Variants in HERC5 observed in about 807,000 individuals in gnomAD.
The protein encoded by HERC5 is E3 ISG15--protein ligase HERC5.
A neutral mutation model predicts 119.6 loss-of-function variants in HERC5; 99 were observed. That is an observed-to-expected ratio of 0.83 (90% CI 0.70 to 0.98). The LOEUF (loss-of-function observed/expected upper bound fraction) is 0.98, where lower values mean the gene tolerates loss of function less well. HERC5 is among the 50% of genes least tolerant of loss of function. The pLI is 0.00. For missense variants in HERC5, 1,267 were observed against 1,241.3 expected, an observed-to-expected ratio of 1.02 and a Z score of -0.31; for synonymous variants, 478 against 445.9, an observed-to-expected ratio of 1.07 and a Z score of -0.91.
In HERC5 at chr4:88,458,397, GT is replaced by G. The variant is rs550662608; in HGVS notation, c.265+874del. ...TACTCATTTTTGTAGTAATTTTAAG[GT>G]TTTTTTTTTTAAGTTAAAATTTTTC... is the stretch of plus-strand genomic sequence containing the variant. On this transcript the variant is annotated intron_variant, in intron 1 of 22. Transcript: ENST00000264350. Among the ~76,000 whole-genome samples, 108 of 145,664 alleles carry G rather than the reference GT, an allele frequency of 7.4e-4. 1 individual carries two copies. Among genetic ancestry groups the G allele is most frequent in the Admixed American group, 1.4e-3 (20 of 14,586 alleles).
At chr4:88,500,475 A>G (rs1312936380) in intron 19 of HERC5, among the ~76,000 whole-genome samples, 1 of 152,246 alleles carries the variant, frequency 6.6e-6, no homozygotes, top group South Asian at 2.1e-4. Context: ...GTCAGATCCC[A>G]TTGGCTAAAT....
At chr4:88,497,123 A>G (rs931733040) in intron 18 of HERC5, among the ~76,000 whole-genome samples, 1 of 152,186 alleles carries the variant, frequency 6.6e-6, no homozygotes, top group African/African-American at 2.4e-5. Context: ...TACCCAGTCT[A>G]AGGTATTTTG....
chr4:88,492,897 C>T (rs1184265489), intron 16 of HERC5, 115 bp from the exon 17 acceptor site: 8 of 944,006 alleles, frequency 8.5e-6, no homozygotes, highest in Non-Finnish European at 1.3e-5. Context: ...ACCTCAGTGC[C>T]TTCCAAATAC....
chr4:88,467,738 T>C (rs1740723763), intron 7 of HERC5: 1 of 173,124 alleles, frequency 5.8e-6, no homozygotes, highest in Admixed American at 6.5e-5. Context: ...AGCCACTTAA[T>C]CATGGCCAGT....
chr4:88,459,303 A>G, intron 1 of HERC5, 44 bp from the exon 2 acceptor site: 1 of 1,481,162 alleles, frequency 6.8e-7, no homozygotes, highest in South Asian at 1.5e-5. Context: ...TACAGTGGGT[A>G]ATAATCAAAG....
chr4:88,461,382 C>G (rs1740438864), intron 3 of HERC5, among the ~76,000 whole-genome samples: 1 of 152,088 alleles, frequency 6.6e-6, no homozygotes, highest in Non-Finnish European at 1.5e-5. Flanking sequence ...AATCACAGTA[C>G]AGAAAGAATA....
intron 13 of HERC5, among the ~76,000 whole-genome samples, chr4:88,484,021 C>T (rs1374420956): frequency 6.6e-6 from 1 of 152,164 alleles, no homozygotes; most frequent in African/African-American, 2.4e-5. Flanking sequence ...CTCATTGTCT[C>T]TCTGTACCCC....
chr4:88,494,445 T>C (rs1388137530), intron 18 of HERC5, 114 bp downstream of exon 18: 1 of 880,052 alleles, frequency 1.1e-6, no homozygotes, highest in Non-Finnish European at 1.7e-6. Flanking sequence ...TTAGGTACTT[T>C]AGACCAGTTT....
chr4:88,491,803 CA>C (rs532913713), intron 16 of HERC5, among the ~76,000 whole-genome samples: 111 of 151,398 alleles, frequency 7.3e-4, no homozygotes, highest in African/African-American at 2.7e-3. Context: ...GGGACCTTAA[CA>C]TGTTTGTGAA....
At position 88,489,311 on chromosome 4, in the gene HERC5, A is replaced by G. The variant is rs201021472; in HGVS notation, c.2108A>G (p.Asn703Ser). 5.0e-6 allele frequency: 8 copies of G among 1,613,178 alleles called. No individual in the cohort carries two copies. Among genetic ancestry groups the G allele is most frequent in the Non-Finnish European group, 6.8e-6 (8 of 1,179,754 alleles). ...TTGAATCAGCTAAGTCAATTTGAGA[A>G]TGAAGACCTGAGGAAAGAGTTATGG... ...DVLNQLSQFE[N>S]EDLRKELWVS... Residue 703 changes from asparagine to serine, a missense_variant, in exon 16 of 23, where the codon AAT (asparagine) becomes AGT (serine). By Grantham distance (46) the Asn-to-Ser change is conservative (BLOSUM62 1). Around this residue, in one of 3 missense-constraint regions of HERC5, gnomAD observed 473 missense variants for 445.7 expected, o/e 1.06. Transcript: ENST00000264350.
chr4:88,501,405 G>A (rs893029429), intron 20 of HERC5, among the ~76,000 whole-genome samples: 2 of 152,162 alleles, frequency 1.3e-5, no homozygotes, highest in Non-Finnish European at 2.9e-5. Context: ...GTAGTCTACA[G>A]TGGTGCCTGA....
At chr4:88,493,409 G>T (rs1741706061) in intron 17 of HERC5, among the ~76,000 whole-genome samples, 1 of 152,022 alleles carries the variant, frequency 6.6e-6, no homozygotes, top group Admixed American at 6.6e-5. Flanking sequence ...GATTAAAAAG[G>T]AACCCTCTCT....
rs1276464192 is a variant in HERC5 at position 88,479,392 on chromosome 4, A to G, written c.1622A>G (p.Lys541Arg). 6.2e-6 allele frequency: 10 copies of G among 1,611,374 alleles called. No homozygotes were observed. The highest frequency in any genetic ancestry group is 8.5e-6 in the Non-Finnish European group (10 of 1,179,308). The change falls in exon 13 of 23, where the codon AAA becomes AGA. Residue 541 changes from lysine (K) to arginine (R), a missense_variant. By Grantham distance (26) the Lys-to-Arg change is conservative (BLOSUM62 2). This residue lies in a region of HERC5 where 777 missense variants were observed against 758.0 expected (regional missense o/e 1.03). Coordinates refer to ENST00000264350, the MANE Select transcript of HERC5 (RefSeq NM_016323.4). ...WATLQESTFS[K>R]LVQMFKTAVI... ...ACTCTGCAAGAATCCACTTTCAGCA[A>G]ACTGGTCCAGATGTTTAAAACAGCC... is the stretch of plus-strand genomic sequence containing the variant.
intron 2 of HERC5, among the ~76,000 whole-genome samples, 154 bp downstream of exon 2, chr4:88,459,624 C>G (rs189303265): frequency 1.3e-5 from 2 of 152,200 alleles, no homozygotes; most frequent in East Asian, 3.9e-4. Flanking sequence ...CTTATGTCCC[C>G]CAGGGCAGGT....
At chr4:88,481,550 T>C (rs1010355289) in intron 13 of HERC5, among the ~76,000 whole-genome samples, 4 of 152,232 alleles carry the variant, frequency 2.6e-5, no homozygotes, top group African/African-American at 9.6e-5. Context: ...ATTTTACTCC[T>C]TGTGTCTTGT....
intron 11 of HERC5, among the ~76,000 whole-genome samples, chr4:88,474,753 A>G (rs1740998809): frequency 6.6e-6 from 1 of 152,218 alleles, no homozygotes; most frequent in Non-Finnish European, 1.5e-5. Context: ...TCTGAATCAC[A>G]GATTTCTCAT....
chr4:88,472,552 TA>T, intron 11 of HERC5, 50 bp downstream of exon 11: 1 of 1,052,868 alleles, frequency 9.5e-7, no homozygotes, highest in Non-Finnish European at 1.5e-6. Context: ...GAATATTTCT[TA>T]AAAGAACTCA....
At position 88,489,213 on chromosome 4, in the gene HERC5, AAG is replaced by A; in HGVS notation, c.2015_2016del (p.Glu672ValfsTer2). On this transcript the variant is annotated frameshift_variant, in exon 16 of 23. Transcript: ENST00000264350. LOFTEE classifies it high-confidence loss of function. Reference protein sequence around the residue: ...YLRSAAIEEERESEFALRPTF... With the variant: ...YLRSAAIEEEXESEFALRPTF... ...TTAGGTCGGCAGCAATTGAGGAAGA[AAG>A]AGAGTCTGAATTCGCTTTGAGGCCC... 2 of 1,613,910 alleles carry A rather than the reference AAG, an allele frequency of 1.2e-6. No homozygotes were observed. The highest frequency in any genetic ancestry group is 1.7e-6 in the Non-Finnish European group (2 of 1,179,898).
chr4:88,476,188 A>C (rs1352662372), intron 12 of HERC5, among the ~76,000 whole-genome samples, 158 bp downstream of exon 12: 2 of 152,244 alleles, frequency 1.3e-5, no homozygotes, highest in African/African-American at 2.4e-5. Flanking sequence ...TACCATGGTC[A>C]TCTAAAATAG....
Sources: gnomAD v4.1 joint callset for allele counts (sites outside exome capture counted in the v4.1 genomes callset) on GRCh38, gnomAD v4.1.1 for gene constraint, gnomAD v4.1.1 regional missense constraint, MANE v1.5 for transcripts, NCBI Gene and HGNC (gene_info 2026-07-23, HGNC 2026-07-21) for gene names.